The following OTOA variants were observed in gnomAD, a reference collection of about 807,000 sequenced individuals.
OTOA encodes otoancorin.
OTOA carries 70 observed loss-of-function variants against 110.8 expected under a neutral mutation model. The observed-to-expected ratio is 0.63, with a 90% CI of 0.52 to 0.77. The LOEUF (loss-of-function observed/expected upper bound fraction) is 0.77, where lower values mean the gene tolerates loss of function less well. OTOA is among the 30% of genes least tolerant of loss of function. OTOA has a pLI of 0.00. For synonymous variants in OTOA, 373 were observed against 431.5 expected (o/e 0.86, Z 1.68); for missense variants, 917 against 1,075.8 (o/e 0.85, Z 2.06).
chr16:21,714,130 G>C (rs544902404), intron 13 of OTOA, among the ~76,000 whole-genome samples: 1 of 152,170 alleles, frequency 6.6e-6, no homozygotes. Context: ...GCATGTCCTT[G>C]ATTATATGGA....
intron 1 of OTOA, among the ~76,000 whole-genome samples, chr16:21,672,482 G>C (rs915459216): frequency 7.2e-5 from 11 of 152,020 alleles, no homozygotes; most frequent in African/African-American, 2.7e-4. Flanking sequence ...AATTAGCTGG[G>C]TGTGGTGGCG....
At chr16:21,690,441 G>A (rs971408725) in intron 8 of OTOA, among the ~76,000 whole-genome samples, 2 of 151,912 alleles carry the variant, frequency 1.3e-5, no homozygotes, top group African/African-American at 4.8e-5. Context: ...GAGAACATGG[G>A]GTGTTTCATT....
Position 21,678,495 on chromosome 16 carries a change from CT to C in OTOA, c.-4-14del, listed in dbSNP as rs778632539. 23 of 1,581,312 alleles carry C rather than the reference CT, an allele frequency of 1.5e-5. No individual in the cohort carries two copies. The highest frequency in any genetic ancestry group is 1.8e-5 in the Non-Finnish European group (21 of 1,152,296). ...TAAAAAAACATGAATCACTTCTATG[CT>C]TAAATTAACTACAGGAGAATGTCTC... is the stretch of plus-strand genomic sequence containing the variant. On this transcript the variant is annotated splice_polypyrimidine_tract_variant and intron_variant, in intron 1 of 28. Coordinates refer to ENST00000646100, the MANE Select transcript of OTOA (RefSeq NM_144672.4).
At chr16:21,724,584 G>T (rs1898856502) in intron 18 of OTOA, among the ~76,000 whole-genome samples, 1 of 152,012 alleles carries the variant, frequency 6.6e-6, no homozygotes, top group African/African-American at 2.4e-5. Flanking sequence ...TAGAATGCAG[G>T]GAGGCTGAAT....
chr16:21,711,128 C>T (rs1399508417), intron 13 of OTOA, among the ~76,000 whole-genome samples: 1 of 152,216 alleles, frequency 6.6e-6, no homozygotes, highest in African/African-American at 2.4e-5. Flanking sequence ...AGTAGGAGCT[C>T]AAGGGGCATT....
chr16:21,716,406 C>T (rs971235949), intron 14 of OTOA, among the ~76,000 whole-genome samples: 1 of 151,994 alleles, frequency 6.6e-6, no homozygotes, highest in East Asian at 1.9e-4. Flanking sequence ...CCCGTCTCTA[C>T]TAAAAATACG....
rs757686492 is a variant in OTOA, at chr16:21,697,870, A to G, written c.835A>G (p.Ile279Val). The G allele has an allele frequency of 4.3e-6, 7 of 1,613,308 alleles. No homozygotes were observed. The highest frequency in any genetic ancestry group is 3.3e-5 in the South Asian group (3 of 91,052). ...SFEEITKISPIEIGLFISYDN... is the reference protein window; with the variant it reads ...SFEEITKISPVEIGLFISYDN... ...TGAAGAAATTACGAAAATTAGTCCT[A>G]TAGAAGTAAGTTGGAAAAGTACATT... The change falls in exon 10 of 29, where the codon ATA becomes GTA. Residue 279 changes from isoleucine (I) to valine (V), a missense_variant. This residue lies in a region of OTOA where 840 missense variants were observed against 910.2 expected (regional missense o/e 0.92). Transcript: ENST00000646100.
intron 1 of OTOA, among the ~76,000 whole-genome samples, chr16:21,666,127 T>C (rs938135425): frequency 6.6e-6 from 1 of 152,118 alleles, no homozygotes; most frequent in Non-Finnish European, 1.5e-5. Context: ...CTGGGCCTAC[T>C]GGACTTCTAC....
Position 21,667,059 on chromosome 16 carries a change from G to C in OTOA, c.-5+2827G>C, listed in dbSNP as rs186083587. Among the ~76,000 whole-genome samples the C allele has an allele frequency of 2.0e-5, 3 of 152,202 alleles. No individual in the cohort carries two copies. The East Asian group carries it at 5.8e-4, about 29-fold the overall frequency. ...GGGAAGGGAGAAAAAAGGGTCAAAGGTTCCCCAAAGCCCCAAATGACCCAA... is the reference window on the plus strand; with the variant it reads ...GGGAAGGGAGAAAAAAGGGTCAAAGCTTCCCCAAAGCCCCAAATGACCCAA... On this transcript the variant is annotated intron_variant, in intron 1 of 28. Coordinates refer to ENST00000646100, the MANE Select transcript of OTOA (RefSeq NM_144672.4).
At chr16:21,708,664 A>AG (rs1898266852) in intron 12 of OTOA, among the ~76,000 whole-genome samples, 1 of 152,186 alleles carries the variant, frequency 6.6e-6, no homozygotes, top group South Asian at 2.1e-4. Flanking sequence ...TAGAGAACCC[A>AG]GGCGCTTTGA....
At chr16:21,722,270 C>CA (rs575619505) in intron 17 of OTOA, among the ~76,000 whole-genome samples, 4,963 of 105,944 alleles carry the variant, frequency 0.047, 182 homozygotes, top group East Asian at 0.15. Flanking sequence ...AAAAAAAAAA[C>CA]AAAAAAAAAA....
At chr16:21,700,724 CAAA>C (rs3054189) in intron 10 of OTOA, among the ~76,000 whole-genome samples, 161 bp from the exon 11 acceptor site, 1 of 115,736 alleles carries the variant, frequency 8.6e-6, no homozygotes, top group African/African-American at 3.3e-5. Flanking sequence ...GACTCCATCT[CAAA>C]AAAAAAAAAA....
chr16:21,685,885 A>G (rs1342744156), intron 7 of OTOA, among the ~76,000 whole-genome samples: 1 of 152,142 alleles, frequency 6.6e-6, no homozygotes, highest in East Asian at 1.9e-4. Flanking sequence ...CTAAGAAATG[A>G]CGGGTCCTAA....
At chr16:21,715,252 G>A (rs1898517583) in intron 14 of OTOA, 100 bp downstream of exon 14, 1 of 1,516,824 alleles carries the variant, frequency 6.6e-7, no homozygotes, top group Admixed American at 1.7e-5. Flanking sequence ...CCAGGGCTGG[G>A]ATTGTCTCAG....
intron 13 of OTOA, among the ~76,000 whole-genome samples, chr16:21,714,015 G>T (rs1390369582): frequency 2.0e-5 from 3 of 152,054 alleles, no homozygotes; most frequent in Non-Finnish European, 4.4e-5. Context: ...TACTCAGAAG[G>T]CAAGAGGTCA....
intron 9 of OTOA, among the ~76,000 whole-genome samples, chr16:21,695,884 TATATATA>T (rs1252278721): frequency 1.8e-5 from 1 of 54,658 alleles, no homozygotes; most frequent in African/African-American, 9.3e-5. Flanking sequence ...TATATATATA[TATATATA>T]TTTTTTTTTT....
chr16:21,734,964 C>A (rs1899240584), intron 21 of OTOA, among the ~76,000 whole-genome samples: 1 of 151,872 alleles, frequency 6.6e-6, no homozygotes, highest in South Asian at 2.1e-4. Context: ...GATAGTGAAA[C>A]CTTGTCTACA....
chr16:21,667,557 G>A (rs954963625), intron 1 of OTOA, among the ~76,000 whole-genome samples: 23 of 151,664 alleles, frequency 1.5e-4, no homozygotes, highest in Non-Finnish European at 2.9e-5. Flanking sequence ...GGGAGGCTGA[G>A]GCATGGTAAC....
At chr16:21,726,405 A>T in intron 18 of OTOA, 118 bp from the exon 19 acceptor site, 4 of 1,436,176 alleles carry the variant, frequency 2.8e-6, no homozygotes, top group Non-Finnish European at 3.9e-6. Flanking sequence ...CATCACTGGG[A>T]AGAACAAACA....
Sources: gnomAD v4.1 joint callset for allele counts (sites outside exome capture counted in the v4.1 genomes callset) on GRCh38, gnomAD v4.1.1 for gene constraint, gnomAD v4.1.1 regional missense constraint, MANE v1.5 for transcripts, NCBI Gene and HGNC (gene_info 2026-07-23, HGNC 2026-07-21) for gene names.